Variants in LCORL observed in about 807,000 individuals in gnomAD.
LCORL encodes ligand-dependent nuclear receptor corepressor-like protein.
LCORL carries 41 observed loss-of-function variants against 141.8 expected under a neutral mutation model. The ratio of observed to expected loss-of-function variants is 0.29; its 90% CI spans 0.23 to 0.38. LCORL has a LOEUF of 0.38. Ranked by LOEUF, LCORL falls within the 10% of genes least tolerant of loss-of-function variation. The probability of loss-of-function intolerance (pLI) is 1.00; values close to 1 mark genes in which losing one functional copy is unlikely to be tolerated. For synonymous variants in LCORL, 618 were observed against 694.1 expected (o/e 0.89, Z 1.72); for missense variants, 1,759 against 2,035.0 (o/e 0.86, Z 2.61).
chr4:17,893,412 T>C (rs772079948), intron 5 of LCORL: 1,204 of 979,454 alleles, frequency 1.2e-3, no homozygotes, highest in Non-Finnish European at 1.4e-3. Context: ...AGAAAAATAC[T>C]TAGTAACATA....
intron 1 of LCORL, among the ~76,000 whole-genome samples, chr4:18,018,867 T>TAC (rs1725045829): frequency 6.6e-6 from 1 of 152,222 alleles, no homozygotes; most frequent in Non-Finnish European, 1.5e-5. Context: ...ATTATATATA[T>TAC]ACTGAATATA....
intron 7 of LCORL, among the ~76,000 whole-genome samples, chr4:17,854,028 T>A (rs1162771843): frequency 6.6e-6 from 1 of 152,010 alleles, no homozygotes; most frequent in African/African-American, 2.4e-5. Flanking sequence ...GACTAAGGGA[T>A]TACAGAGAAG....
intron 5 of LCORL, among the ~76,000 whole-genome samples, chr4:17,892,291 C>T (rs1729229429): frequency 6.6e-6 from 1 of 151,386 alleles, no homozygotes; most frequent in Non-Finnish European, 1.5e-5. Flanking sequence ...TCACTGCAAC[C>T]TCCACCTCCT....
chr4:17,965,401 AT>A (rs1577571031), intron 2 of LCORL, among the ~76,000 whole-genome samples: 1 of 152,190 alleles, frequency 6.6e-6, no homozygotes, highest in East Asian at 1.9e-4. Flanking sequence ...GAAATAAAAC[AT>A]TCATTTTAAT....
chr4:17,980,393 C>T (rs1717749949), intron 1 of LCORL, among the ~76,000 whole-genome samples: 1 of 152,150 alleles, frequency 6.6e-6, no homozygotes, highest in African/African-American at 2.4e-5. Flanking sequence ...TGCTTTTATT[C>T]TAAAGCATAA....
At chr4:17,947,160 A>G (rs572311403) in intron 4 of LCORL, among the ~76,000 whole-genome samples, 7 of 152,028 alleles carry the variant, frequency 4.6e-5, no homozygotes, top group Non-Finnish European at 1.0e-4. Context: ...GTGTGTGTAC[A>G]TATGTGTATG....
chr4:17,841,798 A>ATATT (rs1240072055), exon 8 of LCORL: 2 of 152,416 alleles, frequency 1.3e-5, no homozygotes, highest in African/African-American at 2.4e-5. Flanking sequence ...ACATTGAAAT[A>ATATT]TATTTTAGAA....
In LCORL at chr4:17,972,767, T is replaced by C. The variant is rs1577595495; in HGVS notation, c.220+53A>G. ...GTTAGTATAGAACAACAATTTTTCATTTGTTAAATAGGATGGGAAATGACA... is the reference window on the plus strand; with the variant it reads ...GTTAGTATAGAACAACAATTTTTCACTTGTTAAATAGGATGGGAAATGACA... On this transcript the variant is annotated intron_variant, in intron 2 of 7. Coordinates refer to ENST00000635767, the Ensembl canonical transcript of LCORL. 54 of 847,410 alleles carry C rather than the reference T, an allele frequency of 6.4e-5. No individual in the cohort carries two copies. In the East Asian group the frequency reaches 1.7e-3, roughly 27 times the overall value. The allele number at this position is 847,410 out of a possible 1,614,324, so 52.5% of individuals were successfully genotyped here. A position where few individuals can be genotyped will look rare whatever the true frequency, so the allele number is the denominator to read the frequency against.
intron 7 of LCORL, among the ~76,000 whole-genome samples, chr4:17,849,540 A>G (rs1340969612): frequency 2.6e-5 from 4 of 152,158 alleles, no homozygotes; most frequent in Non-Finnish European, 5.9e-5. Context: ...CACCATCATC[A>G]AAGACCAAAA....
At chr4:17,880,906 A>C (rs762889910) in intron 6 of LCORL, 36 of 932,922 alleles carry the variant, frequency 3.9e-5, no homozygotes, top group Non-Finnish European at 4.6e-5. Flanking sequence ...ATTGCCTAAC[A>C]ATCAGTTTAT....
chr4:17,979,648 C>T (rs1717624898), intron 1 of LCORL, among the ~76,000 whole-genome samples: 1 of 151,996 alleles, frequency 6.6e-6, no homozygotes, highest in South Asian at 2.1e-4. Context: ...CTCATCTTGC[C>T]CTGTTTCTTC....
intron 5 of LCORL, among the ~76,000 whole-genome samples, chr4:17,890,115 G>A (rs1049630269): frequency 6.6e-6 from 1 of 151,992 alleles, no homozygotes; most frequent in Admixed American, 6.6e-5. Flanking sequence ...GTTTTTCACT[G>A]TTACAATGCT....
At chr4:17,883,108 T>C in intron 6 of LCORL, 1 of 970,862 alleles carries the variant, frequency 1.0e-6, no homozygotes, top group Non-Finnish European at 1.2e-6. Context: ...TAAATTTCAT[T>C]ATACATATCC....
intron 7 of LCORL, among the ~76,000 whole-genome samples, chr4:17,871,573 A>G (rs1403980306): frequency 1.3e-5 from 2 of 152,028 alleles, no homozygotes; most frequent in Admixed American, 1.3e-4. Context: ...GTTCTGTTGT[A>G]AAATGAATTA....
Position 17,912,692 on chromosome 4 carries a change from C to G in LCORL, c.431-3347G>C, listed in dbSNP as rs562038480. 1.3e-5 allele frequency: 5 copies of G among 392,592 alleles called. No homozygotes were observed. The East Asian group carries it at 3.2e-4, about 25-fold the overall frequency. 24.3% of individuals were successfully genotyped at this position (392,592 alleles called of 1,614,324 possible). A position where few individuals can be genotyped will look rare whatever the true frequency, so the allele number is the denominator to read the frequency against. On this transcript the variant is annotated intron_variant, in intron 4 of 7. Transcript: ENST00000635767. ...GAGGGAGGTGGAGGCCTGCTATGCC[C>G]TGCAGATGGAGTAGCTCAATGGGCT...
chr4:17,958,911 C>T (rs1372511110), intron 4 of LCORL, among the ~76,000 whole-genome samples: 5 of 151,924 alleles, frequency 3.3e-5, no homozygotes, highest in Admixed American at 6.6e-5. Flanking sequence ...TTAGTGTTAA[C>T]CTCTAGAAGG....
intron 4 of LCORL, among the ~76,000 whole-genome samples, chr4:17,936,671 T>C (rs2320161): frequency 0.077 from 11,758 of 152,250 alleles, 1,553 homozygotes; most frequent in African/African-American, 0.27. Flanking sequence ...TATGTGAACT[T>C]ATTTAATTCC....
At chr4:17,974,859 CA>C (rs1434100358) in intron 1 of LCORL, among the ~76,000 whole-genome samples, 1 of 151,990 alleles carries the variant, frequency 6.6e-6, no homozygotes, top group African/African-American at 2.4e-5. Context: ...CACTTATTGG[CA>C]AAAAAGTTGC....
chr4:17,952,695 G>T (rs1205003347), intron 4 of LCORL, among the ~76,000 whole-genome samples: 3 of 152,170 alleles, frequency 2.0e-5, no homozygotes, highest in African/African-American at 7.2e-5. Flanking sequence ...GATTACAGGC[G>T]TGAGCCACCG....
Sources: gnomAD v4.1 joint callset for allele counts (sites outside exome capture counted in the v4.1 genomes callset) on GRCh38, gnomAD v4.1.1 for gene constraint, MANE v1.5 for transcripts, NCBI Gene and HGNC (gene_info 2026-07-23, HGNC 2026-07-21) for gene names.